ALK: variants seen among roughly 807,000 people sequenced by gnomAD.
ALK encodes the protein ALK receptor tyrosine kinase, also known as ALK tyrosine kinase receptor.
In ALK, 74 loss-of-function variants were observed where a neutral mutation model predicts 163.1. The observed-to-expected ratio is 0.45, with a 90% CI of 0.38 to 0.55. ALK has a LOEUF of 0.55. Ranked by LOEUF, ALK falls within the 20% of genes least tolerant of loss-of-function variation. The pLI is 0.00. For synonymous variants in ALK, 960 were observed against 843.2 expected, an observed-to-expected ratio of 1.14 and a Z score of -2.40; for missense variants, 2,063 against 2,105.3, an observed-to-expected ratio of 0.98 and a Z score of 0.39.
intron 13 of ALK, among the ~76,000 whole-genome samples, chr2:29,239,406 G>T (rs574204549): frequency 1.8e-4 from 28 of 152,164 alleles, no homozygotes; most frequent in South Asian, 4.1e-4. Context: ...GTGAGGGAGG[G>T]GGGGAGCCTG....
chr2:29,231,512 G>T (rs769179948), intron 15 of ALK, among the ~76,000 whole-genome samples: 1 of 152,172 alleles, frequency 6.6e-6, no homozygotes, highest in Non-Finnish European at 1.5e-5. Context: ...AGGCAGAGGT[G>T]CTTCAGGGTT....
intron 5 of ALK, among the ~76,000 whole-genome samples, chr2:29,344,445 A>G (rs1160784675): frequency 6.6e-6 from 1 of 152,136 alleles, no homozygotes; most frequent in Admixed American, 6.5e-5. Flanking sequence ...TGGGGCATGC[A>G]TGTAAGAAGT....
intron 5 of ALK, among the ~76,000 whole-genome samples, chr2:29,330,259 G>A (rs964511729): frequency 1.3e-5 from 2 of 152,136 alleles, no homozygotes; most frequent in African/African-American, 2.4e-5. Context: ...TGTGCTGCAG[G>A]CTCCCAGAGG....
intron 1 of ALK, among the ~76,000 whole-genome samples, chr2:29,746,794 A>C (rs528812343): frequency 3.9e-5 from 6 of 152,318 alleles, no homozygotes; most frequent in African/African-American, 1.4e-4. Flanking sequence ...CTATCAGTCC[A>C]TTGTGTTTGA....
intron 18 of ALK, 72 bp downstream of exon 18, chr2:29,226,850 G>C (rs2148178090): frequency 6.3e-7 from 1 of 1,592,752 alleles, no homozygotes; most frequent in South Asian, 1.1e-5. Context: ...CTGGAACCCA[G>C]AAACCATTTG....
At chr2:29,728,072 C>T (rs1016107530) in intron 1 of ALK, among the ~76,000 whole-genome samples, 27 of 152,120 alleles carry the variant, frequency 1.8e-4, no homozygotes, top group African/African-American at 6.3e-4. Flanking sequence ...AATAGGGAGA[C>T]ATGTTTTTGT....
At chr2:29,405,457 G>A (rs1284910255) in intron 4 of ALK, among the ~76,000 whole-genome samples, 2 of 152,122 alleles carry the variant, frequency 1.3e-5, no homozygotes, top group African/African-American at 2.4e-5. Context: ...GCGGTGGGTG[G>A]AACATGTTTC....
At chr2:29,727,264 A>G (rs13417844) in intron 1 of ALK, among the ~76,000 whole-genome samples, 417 of 152,322 alleles carry the variant, frequency 2.7e-3, no homozygotes, top group African/African-American at 9.6e-3. Flanking sequence ...GAAGAGGGAC[A>G]AAACACTTTC....
At chr2:29,648,124 A>T (rs535370598) in intron 3 of ALK, among the ~76,000 whole-genome samples, 1 of 152,252 alleles carries the variant, frequency 6.6e-6, no homozygotes, top group Non-Finnish European at 1.5e-5. Context: ...GCTGTTTTGC[A>T]CCTCATTGAC....
chr2:29,899,773 CTGAGA>C, intron 1 of ALK: 1 of 151,194 alleles, frequency 6.6e-6, no homozygotes, highest in Non-Finnish European at 1.5e-5. Flanking sequence ...TTGCAGTGAG[CTGAGA>C]TAACACCACT....
chr2:29,426,997 C>A (rs1283702784), intron 4 of ALK, among the ~76,000 whole-genome samples: 2 of 129,538 alleles, frequency 1.5e-5, no homozygotes, highest in Admixed American at 9.0e-5. Context: ...CAAGATCACG[C>A]CACTGCACTC....
At chr2:29,662,844 C>A (rs1558431160) in intron 3 of ALK, among the ~76,000 whole-genome samples, 1 of 152,124 alleles carries the variant, frequency 6.6e-6, no homozygotes, top group Non-Finnish European at 1.5e-5. Context: ...ATGTTTAACC[C>A]TTGCTACATG....
At chr2:29,385,123 T>A (rs1669001003) in intron 4 of ALK, among the ~76,000 whole-genome samples, 1 of 151,806 alleles carries the variant, frequency 6.6e-6, no homozygotes, top group South Asian at 2.1e-4. Flanking sequence ...TTTCACATTT[T>A]TTTTTTTTTT....
At chr2:29,613,002 CG>C (rs1421521736) in intron 3 of ALK, among the ~76,000 whole-genome samples, 1 of 152,266 alleles carries the variant, frequency 6.6e-6, no homozygotes, top group Non-Finnish European at 1.5e-5. Flanking sequence ...ACACACACCA[CG>C]GGGGGTCTGA....
intron 4 of ALK, among the ~76,000 whole-genome samples, chr2:29,450,222 C>T (rs72854390): frequency 0.014 from 2,146 of 152,212 alleles, 59 homozygotes; most frequent in African/African-American, 0.05. Flanking sequence ...GTTCTGAGAC[C>T]GAGGTTCAAA....
At chr2:29,850,492 A>G (rs1169945435) in intron 1 of ALK, among the ~76,000 whole-genome samples, 1 of 152,226 alleles carries the variant, frequency 6.6e-6, no homozygotes, top group Non-Finnish European at 1.5e-5. Flanking sequence ...GGGCAAAGCC[A>G]GCAACTCTCA....
At chr2:29,408,079 T>TTC (rs1573327455) in intron 4 of ALK, among the ~76,000 whole-genome samples, 1 of 136,178 alleles carries the variant, frequency 7.3e-6, no homozygotes, top group Non-Finnish European at 1.6e-5. Context: ...TCAGGGAAAG[T>TTC]TCTTTTTCTT....
At chr2:29,648,228 A>G (rs981302986) in intron 3 of ALK, among the ~76,000 whole-genome samples, 1 of 152,180 alleles carries the variant, frequency 6.6e-6, no homozygotes, top group African/African-American at 2.4e-5. Context: ...TTACGCATAA[A>G]TAATTTGAAA....
chr2:29,368,113 A>C (rs968531807), intron 5 of ALK, among the ~76,000 whole-genome samples: 5 of 152,208 alleles, frequency 3.3e-5, no homozygotes, highest in African/African-American at 1.2e-4. Flanking sequence ...GCAGGAGGGA[A>C]AAATAACAGA....
Sources: allele counts gnomAD v4.1 joint callset (sites outside exome capture counted in the v4.1 genomes callset), GRCh38; gene constraint gnomAD v4.1.1; transcripts MANE v1.5; gene names NCBI Gene and HGNC (gene_info 2026-07-23, HGNC 2026-07-21).